FAT3: variants seen among roughly 807,000 people sequenced by gnomAD.
The protein encoded by FAT3 is FAT atypical cadherin 3.
In FAT3, 95 loss-of-function variants were observed where a neutral mutation model predicts 310.2. The observed-to-expected ratio is 0.31, with a 90% CI of 0.26 to 0.36. The LOEUF (loss-of-function observed/expected upper bound fraction) is 0.36, where lower values mean the gene tolerates loss of function less well. Ranked by LOEUF, FAT3 falls within the 10% of genes least tolerant of loss-of-function variation. The probability of loss-of-function intolerance (pLI) is 1.00; values close to 1 mark genes in which losing one functional copy is unlikely to be tolerated. For missense variants in FAT3, 5,408 were observed against 5,715.6 expected (o/e 0.95, Z 1.74); for synonymous variants, 2,314 against 2,192.9 (o/e 1.06, Z -1.54).
At chr11:92,807,554 A>G (rs1425824433) in intron 12 of FAT3, among the ~76,000 whole-genome samples, 1 of 152,220 alleles carries the variant, frequency 6.6e-6, no homozygotes, top group Non-Finnish European at 1.5e-5. Flanking sequence ...TGCTCGTAAC[A>G]GGTATAAATG....
chr11:92,808,545 T>A (rs1174705382), intron 12 of FAT3, among the ~76,000 whole-genome samples: 10 of 152,174 alleles, frequency 6.6e-5, no homozygotes, highest in Admixed American at 5.9e-4. Flanking sequence ...TGGATGCTTT[T>A]TGAGTAGGAG....
intron 3 of FAT3, among the ~76,000 whole-genome samples, chr11:92,559,127 A>G (rs487902): frequency 0.55 from 82,814 of 151,894 alleles, 23,244 homozygotes; most frequent in East Asian, 0.78. Flanking sequence ...TTGTGTGTGC[A>G]TGTATTTTTT....
chr11:92,854,247 C>T (rs925156151), intron 19 of FAT3, among the ~76,000 whole-genome samples: 13 of 152,192 alleles, frequency 8.5e-5, no homozygotes, highest in Non-Finnish European at 2.9e-5. Flanking sequence ...GTGCTGGGAG[C>T]AGGGAGAGGT....
In FAT3 at chr11:92,454,470, A is replaced by G. The variant is rs574852847; in HGVS notation, c.3293-70164A>G. Reference sequence around the variant, plus strand: ...TTGGTAAAAGACATATAGGAACTCAACATTTATATTTCTTTAATTTTTCTG... The same window carrying G: ...TTGGTAAAAGACATATAGGAACTCAGCATTTATATTTCTTTAATTTTTCTG... On this transcript the variant is annotated intron_variant, in intron 2 of 27. Transcript: ENST00000525166. Among the ~76,000 whole-genome samples, 7 of 152,270 alleles carry G rather than the reference A, an allele frequency of 4.6e-5. No individual in the cohort carries two copies. The South Asian group carries it at 1.2e-3, about 27-fold the overall frequency.
intron 3 of FAT3, among the ~76,000 whole-genome samples, chr11:92,564,503 C>G (rs1399863217): frequency 5.3e-5 from 8 of 151,322 alleles, no homozygotes; most frequent in Admixed American, 4.6e-4. Context: ...ACAAGGATAC[C>G]CAGGAATTGA....
chr11:92,855,672 G>C (rs1249104342), intron 19 of FAT3, among the ~76,000 whole-genome samples: 1 of 152,170 alleles, frequency 6.6e-6, no homozygotes, highest in African/African-American at 2.4e-5. Flanking sequence ...GATTTGGTTG[G>C]GGAGGAAAAT....
Position 92,801,920 on chromosome 11 carries a change from A to G in FAT3, c.8896+11A>G. 3 of 1,606,152 alleles carry G rather than the reference A, an allele frequency of 1.9e-6. No homozygotes were observed. Among genetic ancestry groups the G allele is most frequent in the Non-Finnish European group, 2.6e-6 (3 of 1,174,932 alleles). ...GCTACCATATTACAGGTGAGTAAAT[A>G]CCCCCAGTTTTCATTATGTGCACTG... On this transcript the variant is annotated intron_variant, in intron 10 of 27. Transcript: ENST00000525166.
intron 2 of FAT3, among the ~76,000 whole-genome samples, chr11:92,387,606 T>C (rs1302842014): frequency 1.3e-5 from 2 of 152,078 alleles, no homozygotes; most frequent in Non-Finnish European, 2.9e-5. Context: ...GATGTAGGGG[T>C]AAGTGACTAA....
chr11:92,242,906 G>A (rs1397781820), intron 1 of FAT3, among the ~76,000 whole-genome samples: 1 of 151,838 alleles, frequency 6.6e-6, no homozygotes, highest in Non-Finnish European at 1.5e-5. Context: ...GGAACAATTA[G>A]AAGGAAATGT....
chr11:92,448,561 C>T (rs1231000252), intron 2 of FAT3, among the ~76,000 whole-genome samples: 2 of 152,116 alleles, frequency 1.3e-5, no homozygotes, highest in South Asian at 2.1e-4. Context: ...AGGCAGAGAA[C>T]GAAAACATTT....
At position 92,544,313 on chromosome 11, in the gene FAT3, A is replaced by G. The variant is rs558354580; in HGVS notation, c.3607+19365A>G. Among the ~76,000 whole-genome samples, 129 of 152,304 alleles carry G rather than the reference A, an allele frequency of 8.5e-4. 2 individuals are homozygous for G. Among genetic ancestry groups the G allele is most frequent in the African/African-American group, 3.0e-3 (124 of 41,578 alleles). On this transcript the variant is annotated intron_variant, in intron 3 of 27. Transcript: ENST00000525166. ...CTGGTGTTCGATAGATTGTAGGGTA[A>G]CTATAGTTAACAGTAATCAATTGTA... is the stretch of plus-strand genomic sequence containing the variant.
At chr11:92,329,674 A>T (rs888090013) in intron 1 of FAT3, among the ~76,000 whole-genome samples, 15 of 2,068 alleles carry the variant, frequency 7.3e-3, no homozygotes, top group African/African-American at 0.027. Flanking sequence ...TCCTTGTCCC[A>T]AATTTTTAAA....
intron 2 of FAT3, among the ~76,000 whole-genome samples, chr11:92,386,659 G>A (rs1949630648): frequency 6.6e-6 from 1 of 152,196 alleles, no homozygotes; most frequent in East Asian, 1.9e-4. Context: ...AAACTTGAGA[G>A]AAGACAAGAG....
Position 92,896,140 on chromosome 11 carries a change from C to T in FAT3, c.*5027C>T, listed in dbSNP as rs768804223. ...ATTTCAGAATCACAATGAGGTATGCCATTTCTTCATATACATGCACATTCA... is the reference window on the plus strand; with the variant it reads ...ATTTCAGAATCACAATGAGGTATGCTATTTCTTCATATACATGCACATTCA... On this transcript the variant is annotated 3_prime_UTR_variant, in exon 28 of 28. Transcript: ENST00000525166. The T allele has an allele frequency of 6.6e-6, 1 of 151,860 alleles. No individual in the cohort carries two copies. Among genetic ancestry groups the T allele is most frequent in the Non-Finnish European group, 1.5e-5 (1 of 67,960 alleles). The allele number at this position is 151,860 out of a possible 1,614,324, so 9.4% of individuals were successfully genotyped here.
At position 92,310,845 on chromosome 11, in the gene FAT3, T is replaced by C. The variant is rs138286166; in HGVS notation, c.-17-41251T>C. ...CATGGATAAATTTAGGTAATAGCTA[T>C]TGGAAATCATCTGATGCCACCAAGC... On this transcript the variant is annotated intron_variant, in intron 1 of 27. Transcript: ENST00000525166. 1.8e-3 allele frequency among the ~76,000 whole-genome samples: 274 copies of C among 152,192 alleles called. 3 individuals are homozygous for C. In the East Asian group the frequency reaches 0.03, roughly 16 times the overall value.
intron 4 of FAT3, among the ~76,000 whole-genome samples, chr11:92,748,157 G>A (rs368190092): frequency 1.3e-5 from 2 of 152,186 alleles, no homozygotes; most frequent in South Asian, 4.1e-4. Context: ...CCATATGGCT[G>A]GGGCAGTCTC....
chr11:92,350,628 T>C (rs1948539395), intron 1 of FAT3, among the ~76,000 whole-genome samples: 1 of 152,178 alleles, frequency 6.6e-6, no homozygotes, highest in Non-Finnish European at 1.5e-5. Context: ...CCTGCTTTAC[T>C]ACTTGCCGGC....
intron 3 of FAT3, among the ~76,000 whole-genome samples, chr11:92,655,136 C>G (rs766351702): frequency 4.6e-5 from 7 of 152,210 alleles, no homozygotes; most frequent in Non-Finnish European, 7.3e-5. Flanking sequence ...CCACTCAACA[C>G]TATTCACCCA....
intron 1 of FAT3, among the ~76,000 whole-genome samples, chr11:92,313,126 T>C (rs556567640): frequency 6.6e-6 from 1 of 152,302 alleles, no homozygotes; most frequent in East Asian, 1.9e-4. Context: ...TCCAAAGCAA[T>C]TGATATATTC....
Sources: gnomAD v4.1 joint callset for allele counts (sites outside exome capture counted in the v4.1 genomes callset) on GRCh38, gnomAD v4.1.1 for gene constraint, MANE v1.5 for transcripts, NCBI Gene and HGNC (gene_info 2026-07-23, HGNC 2026-07-21) for gene names.